PLEKHH2: variants seen among roughly 807,000 people sequenced by gnomAD.
The protein encoded by PLEKHH2 is pleckstrin homology domain-containing family H member 2.
A neutral mutation model predicts 187.9 loss-of-function variants in PLEKHH2; 129 were observed. The ratio of observed to expected loss-of-function variants is 0.69; its 90% CI spans 0.59 to 0.79. The LOEUF (loss-of-function observed/expected upper bound fraction) is 0.79, where lower values mean the gene tolerates loss of function less well. PLEKHH2 is among the 30% of genes least tolerant of loss of function. The pLI, the probability that PLEKHH2 is intolerant of heterozygous loss-of-function variation, is 0.00. For synonymous variants in PLEKHH2, 686 were observed against 605.6 expected, an observed-to-expected ratio of 1.13 and a Z score of -1.95; for missense variants, 2,076 against 1,751.2, an observed-to-expected ratio of 1.19 and a Z score of -3.31.
intron 1 of PLEKHH2, among the ~76,000 whole-genome samples, chr2:43,643,156 A>T (rs963012230): frequency 2.6e-5 from 4 of 152,136 alleles, no homozygotes; most frequent in Non-Finnish European, 4.4e-5. Context: ...AATGTGAATC[A>T]TTAATCATAA....
At chr2:43,764,451 T>C in intron 29 of PLEKHH2, 86 bp downstream of exon 29, 1 of 1,376,032 alleles carries the variant, frequency 7.3e-7, no homozygotes, top group Non-Finnish European at 1.0e-6. Context: ...ATGCTAATTG[T>C]TTTCATATTA....
rs878947799 is a variant in PLEKHH2, at chr2:43,694,680, G to A, written c.420+166G>A. Among the ~76,000 whole-genome samples, 7 of 152,210 alleles carry A rather than the reference G, an allele frequency of 4.6e-5. No individual in the cohort carries two copies. In the South Asian group the frequency reaches 1.4e-3, roughly 32 times the overall value. ...TAGGTAGCTTTCATTTTAATATCCA[G>A]TGTATTTTAAAAATTAAACATATTA... On this transcript the variant is annotated intron_variant, in intron 5 of 29. Coordinates refer to ENST00000282406, the MANE Select transcript of PLEKHH2 (RefSeq NM_172069.4).
rs778933298 is a variant in PLEKHH2 at position 43,711,196 on chromosome 2, C to A, written c.2301+621C>A. 120 of 985,464 alleles carry A rather than the reference C, an allele frequency of 1.2e-4. 2 individuals carry two copies. In the Middle Eastern group the frequency reaches 6.3e-3, roughly 51 times the overall value. 61.0% of individuals were successfully genotyped at this position (985,464 alleles called of 1,614,324 possible). On this transcript the variant is annotated intron_variant, in intron 14 of 29. Coordinates refer to ENST00000282406, the MANE Select transcript of PLEKHH2 (RefSeq NM_172069.4). ...GTCAGACACTTTATTTCTGAAATGTCTTCAATAACCATTATTTTCTTATAT... is the reference window on the plus strand; with the variant it reads ...GTCAGACACTTTATTTCTGAAATGTATTCAATAACCATTATTTTCTTATAT...
chr2:43,644,499 T>C (rs1223004753), intron 1 of PLEKHH2, among the ~76,000 whole-genome samples, 172 bp from the exon 2 acceptor site: 1 of 152,176 alleles, frequency 6.6e-6, no homozygotes, highest in Non-Finnish European at 1.5e-5. Context: ...CCATAAGTTC[T>C]CACCAGTTCT....
intron 19 of PLEKHH2, among the ~76,000 whole-genome samples, chr2:43,732,363 CA>C (rs553397715): frequency 2.1e-3 from 298 of 144,706 alleles, no homozygotes; most frequent in Middle Eastern, 0.011. Flanking sequence ...AAATAAGTCT[CA>C]AAAAAAAAAA....
At chr2:43,717,982 C>G (rs1309097332) in intron 15 of PLEKHH2, among the ~76,000 whole-genome samples, 1 of 152,138 alleles carries the variant, frequency 6.6e-6, no homozygotes, top group Non-Finnish European at 1.5e-5. Flanking sequence ...GTGGAGAATG[C>G]TACAGGGATG....
At chr2:43,735,205 A>G (rs961445973) in intron 19 of PLEKHH2, among the ~76,000 whole-genome samples, 9 of 152,158 alleles carry the variant, frequency 5.9e-5, no homozygotes, top group Non-Finnish European at 1.0e-4. Context: ...AAAGAAAAAA[A>G]TGTAGTATAT....
At chr2:43,656,789 G>A (rs1382199548) in intron 2 of PLEKHH2, among the ~76,000 whole-genome samples, 2 of 152,176 alleles carry the variant, frequency 1.3e-5, no homozygotes, top group African/African-American at 4.8e-5. Context: ...AGGCTGAGGC[G>A]GGTGGATCAC....
At chr2:43,681,231 C>T (rs1386135802) in intron 3 of PLEKHH2, 9 of 654,748 alleles carry the variant, frequency 1.4e-5, no homozygotes, top group South Asian at 1.1e-4. Flanking sequence ...ATTATTAAAG[C>T]GATCTTTTTT....
At chr2:43,735,569 GAGA>G (rs1671252240) in intron 19 of PLEKHH2, among the ~76,000 whole-genome samples, 1 of 152,202 alleles carries the variant, frequency 6.6e-6, no homozygotes, top group Non-Finnish European at 1.5e-5. Context: ...ATACTTAGAA[GAGA>G]AGATTTGGAA....
intron 2 of PLEKHH2, among the ~76,000 whole-genome samples, chr2:43,671,212 C>G (rs951956751): frequency 6.6e-6 from 1 of 152,176 alleles, no homozygotes; most frequent in African/African-American, 2.4e-5. Flanking sequence ...GTCTAGAACT[C>G]CTGACCTCAG....
chr2:43,715,254 C>T (rs919932686), intron 15 of PLEKHH2, among the ~76,000 whole-genome samples: 5 of 150,622 alleles, frequency 3.3e-5, no homozygotes, highest in African/African-American at 1.2e-4. Context: ...CCAGCCTGTG[C>T]GACAAATGAA....
At chr2:43,720,993 GTCT>G (rs1480311460) in intron 16 of PLEKHH2, among the ~76,000 whole-genome samples, 1 of 152,100 alleles carries the variant, frequency 6.6e-6, no homozygotes. Flanking sequence ...ACCTAGAACA[GTCT>G]TCTTCTATTC....
At chr2:43,701,828 C>T (rs1669386225) in intron 8 of PLEKHH2, among the ~76,000 whole-genome samples, 2 of 143,726 alleles carry the variant, frequency 1.4e-5, no homozygotes, top group African/African-American at 2.6e-5. Context: ...AGTGCAATGG[C>T]GCCATCTCAG....
intron 1 of PLEKHH2, among the ~76,000 whole-genome samples, chr2:43,640,399 C>T (rs1236071918): frequency 2.0e-5 from 3 of 152,086 alleles, no homozygotes; most frequent in Non-Finnish European, 4.4e-5. Context: ...CTATGTTGCA[C>T]AGTCTGGTCT....
chr2:43,753,137 A>G (rs1405441042), intron 24 of PLEKHH2, among the ~76,000 whole-genome samples: 1 of 152,194 alleles, frequency 6.6e-6, no homozygotes, highest in Non-Finnish European at 1.5e-5. Context: ...AAAGGCCTGT[A>G]TCATACATTC....
intron 6 of PLEKHH2, among the ~76,000 whole-genome samples, chr2:43,696,278 G>C (rs566911624): frequency 4.1e-4 from 62 of 152,244 alleles, no homozygotes; most frequent in African/African-American, 1.3e-3. Context: ...TTTGAGACCA[G>C]CCTTGGCAAT....
In PLEKHH2 at chr2:43,766,200, G is replaced by C. The variant is rs2104636194; in HGVS notation, c.*602G>C. On this transcript the variant is annotated 3_prime_UTR_variant, in exon 30 of 30. Transcript: ENST00000282406. Reference sequence around the variant, plus strand: ...TAACATTAGGTAACCTGAGCCTCCTGTGTGGTATTAGAAAGTATACCGTCA... The same window carrying C: ...TAACATTAGGTAACCTGAGCCTCCTCTGTGGTATTAGAAAGTATACCGTCA... The C allele has an allele frequency of 1.3e-5, 2 of 152,856 alleles. 1 individual carries two copies. Among genetic ancestry groups the C allele is most frequent in the South Asian group, 4.1e-4 (2 of 4,824 alleles). The allele number at this position is 152,856 out of a possible 1,614,324, so 9.5% of individuals were successfully genotyped here.
chr2:43,651,445 G>A (rs947711859), intron 2 of PLEKHH2, among the ~76,000 whole-genome samples: 3 of 152,178 alleles, frequency 2.0e-5, no homozygotes, highest in Admixed American at 2.0e-4. Context: ...CTGATAACAT[G>A]TAACTTAGCA....
Sources: allele counts gnomAD v4.1 joint callset (sites outside exome capture counted in the v4.1 genomes callset), GRCh38; gene constraint gnomAD v4.1.1; transcripts MANE v1.5; gene names NCBI Gene and HGNC (gene_info 2026-07-23, HGNC 2026-07-21).